SGMS1: variants seen among roughly 807,000 people sequenced by gnomAD.
SGMS1 encodes sphingomyelin synthase 1.
SGMS1 carries 13 observed loss-of-function variants against 46.2 expected under a neutral mutation model. The ratio of observed to expected loss-of-function variants is 0.28; its 90% CI spans 0.18 to 0.45. SGMS1 has a LOEUF of 0.45. SGMS1 is among the 20% of genes least tolerant of loss of function. The pLI, the probability that SGMS1 is intolerant of heterozygous loss-of-function variation, is 1.00. For missense variants in SGMS1, 324 were observed against 519.9 expected (o/e 0.62, Z 3.66); for synonymous variants, 203 against 187.8 (o/e 1.08, Z -0.66).
intron 2 of SGMS1, among the ~76,000 whole-genome samples, chr10:50,548,724 A>G (rs1354515671): frequency 1.3e-5 from 2 of 152,216 alleles, no homozygotes; most frequent in Non-Finnish European, 2.9e-5. Context: ...TAATTAAACC[A>G]AAGAACTTCT....
chr10:50,512,922 C>G (rs968121984), intron 3 of SGMS1, among the ~76,000 whole-genome samples: 1 of 152,160 alleles, frequency 6.6e-6, no homozygotes, highest in Non-Finnish European at 1.5e-5. Flanking sequence ...GCCACACTTA[C>G]CCACTACAAG....
intron 5 of SGMS1, among the ~76,000 whole-genome samples, chr10:50,434,528 C>G (rs2133621391): frequency 6.6e-6 from 1 of 152,176 alleles, no homozygotes; most frequent in Middle Eastern, 3.4e-3. Flanking sequence ...TAGACAGAAA[C>G]CTCAAGTTAC....
chr10:50,463,086 A>G (rs1232413584), intron 4 of SGMS1, among the ~76,000 whole-genome samples: 2 of 152,216 alleles, frequency 1.3e-5, no homozygotes, highest in South Asian at 2.1e-4. Flanking sequence ...AAAAGAAAAA[A>G]AAATACATAG....
Position 50,307,915 on chromosome 10 carries a change from C to T in SGMS1, c.1062+67G>A. 1 of 1,540,058 alleles carries T rather than the reference C, an allele frequency of 6.5e-7. No homozygotes were observed. The highest frequency in any genetic ancestry group is 2.3e-5 in the East Asian group (1 of 44,424). On this transcript the variant is annotated intron_variant, in intron 10 of 10. Coordinates refer to ENST00000361781, the MANE Select transcript of SGMS1 (RefSeq NM_147156.4). The surrounding 1 kb of genome is among the most constrained non-coding windows in gnomAD (Gnocchi z 4.2). The stretch of plus-strand genomic sequence containing the variant: ...TTCAGACATCCACAGGTTCTTTGCA[C>T]CCTGTCCAAGCCAGCAACATCAAGC...
At chr10:50,548,860 A>C (rs1838124743) in intron 2 of SGMS1, among the ~76,000 whole-genome samples, 1 of 152,094 alleles carries the variant, frequency 6.6e-6, no homozygotes, top group African/African-American at 2.4e-5. Context: ...ATTTACAAGA[A>C]AAAAAAACCA....
intron 5 of SGMS1, among the ~76,000 whole-genome samples, chr10:50,444,482 T>C (rs1279598663): frequency 6.6e-6 from 1 of 152,156 alleles, no homozygotes; most frequent in Non-Finnish European, 1.5e-5. Context: ...CTGACCAAGA[T>C]GTCAAAATAA....
At chr10:50,376,431 G>A (rs1848522329) in intron 6 of SGMS1, among the ~76,000 whole-genome samples, 1 of 152,104 alleles carries the variant, frequency 6.6e-6, no homozygotes, top group African/African-American at 2.4e-5. Flanking sequence ...TTCTATCAAT[G>A]AGCATTTTTT....
chr10:50,408,250 G>T (rs1272037252), intron 6 of SGMS1, among the ~76,000 whole-genome samples: 1 of 152,020 alleles, frequency 6.6e-6, no homozygotes, highest in East Asian at 1.9e-4. Flanking sequence ...GAACAAGTAG[G>T]TATAGAGAAA....
At chr10:50,482,352 T>C (rs1040247109) in intron 3 of SGMS1, among the ~76,000 whole-genome samples, 4 of 152,078 alleles carry the variant, frequency 2.6e-5, no homozygotes, top group African/African-American at 7.2e-5. Context: ...CCAGAAGAGA[T>C]TGGGGGCCAT....
chr10:50,581,108 A>G (rs778627759), intron 2 of SGMS1, among the ~76,000 whole-genome samples: 16 of 152,220 alleles, frequency 1.1e-4, no homozygotes, highest in Non-Finnish European at 2.4e-4. Context: ...CTCTAGTTCA[A>G]AAATATTCTC....
intron 8 of SGMS1, among the ~76,000 whole-genome samples, chr10:50,313,022 A>C (rs1396514073): frequency 6.6e-6 from 1 of 152,192 alleles, no homozygotes; most frequent in East Asian, 1.9e-4. Context: ...TAAAGCAAAA[A>C]ACCAAGGCAA....
intron 2 of SGMS1, among the ~76,000 whole-genome samples, chr10:50,574,892 T>C (rs1838366788): frequency 6.7e-6 from 1 of 149,282 alleles, no homozygotes. Context: ...AATCTCACTA[T>C]GTATCCCATA....
intron 2 of SGMS1, among the ~76,000 whole-genome samples, chr10:50,571,581 A>G (rs1838336875): frequency 6.6e-6 from 1 of 152,228 alleles, no homozygotes; most frequent in African/African-American, 2.4e-5. Context: ...ATAGTAATAT[A>G]TAATAGAATG....
intron 6 of SGMS1, among the ~76,000 whole-genome samples, chr10:50,382,371 A>T (rs1331018346): frequency 6.6e-6 from 1 of 152,192 alleles, no homozygotes; most frequent in African/African-American, 2.4e-5. Flanking sequence ...ACAGATATAT[A>T]TTCATAGAAA....
intron 8 of SGMS1, among the ~76,000 whole-genome samples, chr10:50,325,911 T>C (rs1308677575): frequency 6.6e-6 from 1 of 152,166 alleles, no homozygotes; most frequent in Non-Finnish European, 1.5e-5. Context: ...CAAGAGTCCA[T>C]ATCCTTGGAT....
intron 6 of SGMS1, among the ~76,000 whole-genome samples, chr10:50,360,231 C>T (rs1460269190): frequency 6.6e-6 from 1 of 152,124 alleles, no homozygotes; most frequent in Non-Finnish European, 1.5e-5. Context: ...CAAGCCAAAC[C>T]ACCAAAAAAG....
At chr10:50,403,713 G>A (rs1462180358) in intron 6 of SGMS1, among the ~76,000 whole-genome samples, 1 of 150,238 alleles carries the variant, frequency 6.7e-6, no homozygotes, top group African/African-American at 2.5e-5. Context: ...ACTGATGAAG[G>A]TTTAGGCAAA....
At chr10:50,317,263 C>G (rs1847355330) in intron 8 of SGMS1, among the ~76,000 whole-genome samples, 3 of 152,196 alleles carry the variant, frequency 2.0e-5, no homozygotes. Context: ...ATTTCTCCGG[C>G]CTTATTTTAC....
At chr10:50,614,216 G>C (rs12358866) in intron 1 of SGMS1, among the ~76,000 whole-genome samples, 1 of 151,634 alleles carries the variant, frequency 6.6e-6, no homozygotes, top group Non-Finnish European at 1.5e-5. Context: ...CTTCTAATGA[G>C]TGCTGACTTA....
Sources: gnomAD v4.1 joint callset for allele counts (sites outside exome capture counted in the v4.1 genomes callset) on GRCh38, gnomAD v4.1.1 for gene constraint, Gnocchi (gnomAD v3.1) non-coding constraint, MANE v1.5 for transcripts, NCBI Gene and HGNC (gene_info 2026-07-23, HGNC 2026-07-21) for gene names.